The following ALK variants were observed in gnomAD, a reference collection of about 807,000 sequenced individuals.
ALK encodes ALK receptor tyrosine kinase.
Under a neutral mutation model 163.1 loss-of-function variants are expected in ALK, and 74 were observed. The ratio of observed to expected loss-of-function variants is 0.45; its 90% CI spans 0.38 to 0.55. ALK has a LOEUF of 0.55. ALK is among the 20% of genes least tolerant of loss of function. ALK has a pLI of 0.00. For synonymous variants in ALK, 960 were observed against 843.2 expected (o/e 1.14, Z -2.40); for missense variants, 2,063 against 2,105.3 (o/e 0.98, Z 0.39).
chr2:29,711,590 G>T (rs1226572772), intron 2 of ALK, among the ~76,000 whole-genome samples: 1 of 152,050 alleles, frequency 6.6e-6, no homozygotes, highest in Non-Finnish European at 1.5e-5. Flanking sequence ...CTCTGTGTTG[G>T]TGGAGACGTG....
intron 3 of ALK, among the ~76,000 whole-genome samples, chr2:29,644,350 T>C (rs1394680349): frequency 1.3e-5 from 2 of 152,026 alleles, no homozygotes; most frequent in Admixed American, 6.6e-5. Flanking sequence ...TTTACATATG[T>C]AACAAACCTG....
Position 29,560,943 on chromosome 2 carries a change from C to T in ALK, c.953-28827G>A, listed in dbSNP as rs187445891. The stretch of plus-strand genomic sequence containing the variant: ...TAAAACAAGTAAATTTTATAGTATA[C>T]AAATTGTACCTGAAATGTCATTAAT... On this transcript the variant is annotated intron_variant, in intron 3 of 28. Coordinates refer to ENST00000389048, the MANE Select transcript of ALK (RefSeq NM_004304.5). 3.1e-3 allele frequency among the ~76,000 whole-genome samples: 464 copies of T among 151,702 alleles called. 1 individual carries two copies. The highest frequency in any genetic ancestry group is 0.01 in the African/African-American group (426 of 41,362).
At chr2:29,628,736 T>A (rs1676269781) in intron 3 of ALK, among the ~76,000 whole-genome samples, 1 of 152,232 alleles carries the variant, frequency 6.6e-6, no homozygotes. Context: ...GCTAAACTAG[T>A]TCATGTGTGA....
chr2:29,392,532 C>T (rs187689633), intron 4 of ALK, among the ~76,000 whole-genome samples: 15 of 152,240 alleles, frequency 9.9e-5, no homozygotes, highest in East Asian at 1.9e-4. Flanking sequence ...CTTTTCTACT[C>T]GACCTCTGCA....
chr2:29,796,020 A>G (rs1312645734), intron 1 of ALK, among the ~76,000 whole-genome samples: 1 of 152,130 alleles, frequency 6.6e-6, no homozygotes, highest in African/African-American at 2.4e-5. Flanking sequence ...GTCCACACAC[A>G]CAGCCTTGAA....
chr2:29,309,477 CA>C (rs1376036064), intron 8 of ALK, among the ~76,000 whole-genome samples: 4 of 152,154 alleles, frequency 2.6e-5, no homozygotes, highest in Non-Finnish European at 5.9e-5. Context: ...AAAGGTATTA[CA>C]TTAATTATGT....
At chr2:29,576,368 G>T (rs1318508469) in intron 3 of ALK, among the ~76,000 whole-genome samples, 1 of 152,176 alleles carries the variant, frequency 6.6e-6, no homozygotes, top group East Asian at 1.9e-4. Context: ...TCTGGGTGTT[G>T]CTCTACATTT....
chr2:29,449,329 C>T (rs1295800085), intron 4 of ALK, among the ~76,000 whole-genome samples: 1 of 152,182 alleles, frequency 6.6e-6, no homozygotes, highest in Non-Finnish European at 1.5e-5. Context: ...CAGGAAAGCA[C>T]GTTCATTGCC....
At chr2:29,741,319 G>A (rs1280494375) in intron 1 of ALK, among the ~76,000 whole-genome samples, 1 of 152,156 alleles carries the variant, frequency 6.6e-6, no homozygotes, top group South Asian at 2.1e-4. Flanking sequence ...TATAGACTTT[G>A]GGTGATAATG....
rs576219585 is a variant in ALK at position 29,829,353 on chromosome 2, T to A, written c.667+90640A>T. ...AGAAAGATGAAGATGGTTAAACTGA[T>A]GCAGTTTAACCATATTCTTTGTGCC... is the stretch of plus-strand genomic sequence containing the variant. On this transcript the variant is annotated intron_variant, in intron 1 of 28. Coordinates refer to ENST00000389048, the MANE Select transcript of ALK (RefSeq NM_004304.5). Among the ~76,000 whole-genome samples the A allele has an allele frequency of 9.2e-5, 14 of 151,690 alleles. No individual in the cohort carries two copies. In the East Asian group the frequency reaches 2.5e-3, roughly 27 times the overall value.
rs139942088 is a variant in ALK, at chr2:29,476,955, C to T, written c.1154+54960G>A. On this transcript the variant is annotated intron_variant, in intron 4 of 28. Coordinates refer to ENST00000389048, the MANE Select transcript of ALK (RefSeq NM_004304.5). ...GAGCAGATTCAAGGAGATCACCATG[C>T]ACCTCGCCTCACCCTCATTCACATA... 9.7e-3 allele frequency among the ~76,000 whole-genome samples: 1,470 copies of T among 152,274 alleles called. 35 individuals carry two copies. The highest frequency in any genetic ancestry group is 0.033 in the African/African-American group (1,387 of 41,542).
rs1332989870 is a variant in ALK, at chr2:29,657,109, C to T, written c.952+37741G>A. The stretch of plus-strand genomic sequence containing the variant: ...GATCTTTTGTGATCCAGTGCCCTTG[C>T]CCTGCCACCCACTTCTTGGTGGCTT... On this transcript the variant is annotated intron_variant, in intron 3 of 28. Transcript: ENST00000389048. Among the ~76,000 whole-genome samples the T allele has an allele frequency of 4.6e-5, 7 of 152,056 alleles. 1 individual carries two copies. The South Asian group carries it at 1.5e-3, about 32-fold the overall frequency.
intron 4 of ALK, among the ~76,000 whole-genome samples, chr2:29,416,979 C>CCTTTTTTTTTT (rs1177704836): frequency 2.6e-5 from 2 of 77,664 alleles, no homozygotes; most frequent in African/African-American, 1.1e-4. Flanking sequence ...ATGTTTGATG[C>CCTTTTTTTTTT]TTTTTTTTTT....
chr2:29,721,005 T>C (rs1345055384), intron 1 of ALK, among the ~76,000 whole-genome samples: 4 of 151,978 alleles, frequency 2.6e-5, no homozygotes, highest in Non-Finnish European at 5.9e-5. Context: ...AGTGGGGAAA[T>C]AGGAGCAGGA....
intron 8 of ALK, among the ~76,000 whole-genome samples, chr2:29,312,722 C>T (rs560098105): frequency 4.6e-5 from 7 of 152,254 alleles, no homozygotes; most frequent in African/African-American, 1.4e-4. Flanking sequence ...GGGTCCTGAC[C>T]GTGGTCTCCA....
chr2:29,429,800 A>G (rs1670230452), intron 4 of ALK, among the ~76,000 whole-genome samples: 1 of 152,144 alleles, frequency 6.6e-6, no homozygotes, highest in South Asian at 2.1e-4. Flanking sequence ...AGAACCAAGT[A>G]GGAGATTTTC....
chr2:29,214,873 G>A (rs1669559214), intron 23 of ALK, among the ~76,000 whole-genome samples: 2 of 152,304 alleles, frequency 1.3e-5, no homozygotes, highest in African/African-American at 4.8e-5. Flanking sequence ...ATTTCCCCAA[G>A]TCACGGTGAT....
Position 29,852,110 on chromosome 2 carries a change from C to G in ALK, c.667+67883G>C, listed in dbSNP as rs555876150. ...TCTTCCGTTCCCTTAGATGCCAGCACAGGAATAAGAAACGAAGCCCCTATG... is the reference window on the plus strand; with the variant it reads ...TCTTCCGTTCCCTTAGATGCCAGCAGAGGAATAAGAAACGAAGCCCCTATG... On this transcript the variant is annotated intron_variant, in intron 1 of 28. Coordinates refer to ENST00000389048, the MANE Select transcript of ALK (RefSeq NM_004304.5). Among the ~76,000 whole-genome samples, 7 of 152,306 alleles carry G rather than the reference C, an allele frequency of 4.6e-5. No individual in the cohort carries two copies. In the East Asian group the frequency reaches 1.2e-3, roughly 25 times the overall value.
At chr2:29,842,522 T>C (rs1485408545) in intron 1 of ALK, among the ~76,000 whole-genome samples, 5 of 152,180 alleles carry the variant, frequency 3.3e-5, no homozygotes, top group Non-Finnish European at 7.3e-5. Context: ...CCCACACAGT[T>C]ACCACTTCAC....
Sources: allele counts gnomAD v4.1 joint callset (sites outside exome capture counted in the v4.1 genomes callset), GRCh38; gene constraint gnomAD v4.1.1; transcripts MANE v1.5; gene names NCBI Gene and HGNC (gene_info 2026-07-23, HGNC 2026-07-21).